Variants in ZNF273 observed in about 807,000 individuals in gnomAD.
ZNF273 encodes zinc finger protein 9.
Under a neutral mutation model 14.9 loss-of-function variants are expected in ZNF273, and 11 were observed. That is an observed-to-expected ratio of 0.74 (90% confidence interval 0.46 to 1.22). The LOEUF (loss-of-function observed/expected upper bound fraction) is 1.22, where lower values mean the gene tolerates loss of function less well. ZNF273 is among the 50% of genes most tolerant of loss of function. The pLI is 0.00. For synonymous variants in ZNF273, 199 were observed against 223.9 expected, an observed-to-expected ratio of 0.89 and a Z score of 0.99; for missense variants, 577 against 660.6, an observed-to-expected ratio of 0.87 and a Z score of 1.39.
chr7:64,892,914 C>A (rs871076), downstream of ZNF273, among the ~76,000 whole-genome samples: 63,335 of 151,958 alleles, frequency 0.42, 13,427 homozygotes, highest in South Asian at 0.45. Context: ...TCTTCCTGAG[C>A]TGCATCATAT....
chr7:64,925,102 G>A (rs1008745140), intron 3 of ZNF273, among the ~76,000 whole-genome samples: 12 of 151,838 alleles, frequency 7.9e-5, no homozygotes, highest in Admixed American at 7.2e-4. Context: ...GTGCCTGGCC[G>A]ATTTTTCAAT....
intron 3 of ZNF273, among the ~76,000 whole-genome samples, chr7:64,919,951 GC>G (rs1794307004): frequency 6.6e-6 from 1 of 150,954 alleles, no homozygotes; most frequent in South Asian, 2.1e-4. Context: ...TACTTCCAGT[GC>G]TATGTTAAAA....
Position 64,929,345 on chromosome 7 carries a change from G to A in ZNF273, c.*307G>A, listed in dbSNP as rs1794920908. 5.5e-6 allele frequency: 1 copy of A among 183,120 alleles called. No individual in the cohort carries two copies. The allele number at this position is 183,120 out of a possible 1,614,324, so 11.3% of individuals were successfully genotyped here. ...AAGAGAAACATTAAAAGTACAAAGA[G>A]GTTTGTAGTACCTTTGTTTGTATCA... On this transcript the variant is annotated 3_prime_UTR_variant, in exon 4 of 4. Transcript: ENST00000476120.
chr7:64,916,388 A>T (rs930341882), intron 1 of ZNF273, among the ~76,000 whole-genome samples: 7 of 150,846 alleles, frequency 4.6e-5, no homozygotes, highest in African/African-American at 1.7e-4. Context: ...AAAAAAAAAA[A>T]ATTAGCTGGG....
In ZNF273 at chr7:64,929,343, G is replaced by A. The variant is rs1172736737; in HGVS notation, c.*305G>A. ...TGAAGAGAAACATTAAAAGTACAAA[G>A]AGGTTTGTAGTACCTTTGTTTGTAT... On this transcript the variant is annotated 3_prime_UTR_variant, in exon 4 of 4. Coordinates refer to ENST00000476120, the MANE Select transcript of ZNF273 (RefSeq NM_021148.3). 5.4e-6 allele frequency: 1 copy of A among 185,450 alleles called. No individual in the cohort carries two copies. Among genetic ancestry groups the A allele is most frequent in the African/African-American group, 2.3e-5 (1 of 42,650 alleles). 11.5% of individuals were successfully genotyped at this position (185,450 alleles called of 1,614,324 possible).
chr7:64,924,358 C>T (rs1794667659), intron 3 of ZNF273: 1 of 152,070 alleles, frequency 6.6e-6, no homozygotes, highest in Non-Finnish European at 1.5e-5. Context: ...CCTTCAGGTC[C>T]TCTGTTCTCT....
At chr7:64,921,318 T>G (rs7798465) in intron 3 of ZNF273, among the ~76,000 whole-genome samples, 68,416 of 152,012 alleles carry the variant, frequency 0.45, 15,702 homozygotes, top group Admixed American at 0.51. Context: ...CACCTCAGCC[T>G]CACAAAGTGC....
chr7:64,897,802 C>A (rs995663278), exon 4 of ZNF273: 46 of 150,416 alleles, frequency 3.1e-4, no homozygotes, highest in African/African-American at 1.1e-3. Context: ...CAAGCTCTGC[C>A]TCCTGGGTTC....
downstream of ZNF273, chr7:64,889,344 A>G (rs1791815938): frequency 1.0e-6 from 1 of 956,708 alleles, no homozygotes; most frequent in Non-Finnish European, 1.2e-6. The surrounding 1 kb of genome is among the most constrained non-coding windows in gnomAD (Gnocchi z 4.2). Flanking sequence ...CTCCGCCCCA[A>G]CAGCTGGTGC....
At chr7:64,883,473 A>G (rs1001203135), downstream of ZNF273, among the ~76,000 whole-genome samples, 1 of 152,084 alleles carries the variant, frequency 6.6e-6, no homozygotes, top group African/African-American at 2.4e-5. Flanking sequence ...TAGGTCAGAT[A>G]GGGGTAAGGA....
At chr7:64,905,348 T>C (rs1310209767) in intron 1 of ZNF273, among the ~76,000 whole-genome samples, 2 of 151,212 alleles carry the variant, frequency 1.3e-5, no homozygotes, top group African/African-American at 4.9e-5. Flanking sequence ...ACTCCTGGCC[T>C]CAAGTGATCC....
At chr7:64,916,772 A>G (rs1004110935) in intron 1 of ZNF273, among the ~76,000 whole-genome samples, 3 of 152,114 alleles carry the variant, frequency 2.0e-5, no homozygotes, top group African/African-American at 7.2e-5. Flanking sequence ...TGGTATACCT[A>G]TGTAACAGAA....
chr7:64,892,408 G>C (rs1330359029), downstream of ZNF273, among the ~76,000 whole-genome samples: 1 of 152,044 alleles, frequency 6.6e-6, no homozygotes, highest in African/African-American at 2.4e-5. Context: ...TTTTTTTATT[G>C]TAAATAGAAG....
At chr7:64,933,175 G>A (rs985868053), downstream of ZNF273, 1 of 152,312 alleles carries the variant, frequency 6.6e-6, no homozygotes, top group Non-Finnish European at 1.5e-5. Context: ...GTTTTGCCAT[G>A]TTGGCCAGGC....
chr7:64,936,243 A>G, the ZNF273 span, among the ~76,000 whole-genome samples: 2 of 152,246 alleles, frequency 1.3e-5, no homozygotes, highest in Non-Finnish European at 2.9e-5. Flanking sequence ...TAGAAAACTG[A>G]TGGGGGAACA....
At position 64,912,831 on chromosome 7, in the gene ZNF273, T is replaced by TTGTTGTTGTTGTTG. The variant is rs1283651560; in HGVS notation, c.103-4749_103-4748insGTTGTTGTTGTTGT. 5.8e-5 allele frequency among the ~76,000 whole-genome samples: 5 copies of TTGTTGTTGTTGTTG among 86,680 alleles called. 1 individual carries two copies. The South Asian group carries it at 2.2e-3, about 37-fold the overall frequency. 56.9% of individuals were successfully genotyped at this position (86,680 alleles called of 152,430 possible). ...TTGACTCAGGATTCATTTTAGTTTTTTTTTTTTTTTTTTTTGAGATTGAGT... is the reference window on the plus strand; with the variant it reads ...TTGACTCAGGATTCATTTTAGTTTTTTGTTGTTGTTGTTGTTTTTTTTTTTTTTTGAGATTGAGT... On this transcript the variant is annotated intron_variant, in intron 1 of 3. Transcript: ENST00000476120.
rs1830080 is a variant in ZNF273, at chr7:64,928,689, G to A, written c.1361G>A (p.Gly454Glu). 70,451 of 1,606,206 alleles carry A rather than the reference G, an allele frequency of 0.044. 1,829 individuals are homozygous for A. The highest frequency in any genetic ancestry group is 0.097 in the East Asian group (4,347 of 44,712). The change falls in exon 4 of 4, where the codon GGA (glycine) becomes GAA (glutamate). Residue 454 changes from glycine (G) to glutamate (E), a missense_variant. By Grantham distance (98) the Gly-to-Glu change is moderately conservative. This residue lies in a region of ZNF273 where 411 missense variants were observed against 440.4 expected (regional missense o/e 0.93). Transcript: ENST00000476120. Reference sequence around the variant, plus strand: ...ACTAAACATAAGATAATTCATACTGGAGCAAAACCTTACAAATGTGAAGAA... The same window carrying A: ...ACTAAACATAAGATAATTCATACTGAAGCAAAACCTTACAAATGTGAAGAA... ...TLTKHKIIHT[G>E]AKPYKCEECG...
the ZNF273 span, among the ~76,000 whole-genome samples, chr7:64,937,013 A>G: frequency 2.0e-4 from 30 of 152,370 alleles, no homozygotes; most frequent in African/African-American, 7.0e-4. Flanking sequence ...TTTATTCACA[A>G]TATTCTTATT....
intron 1 of ZNF273, among the ~76,000 whole-genome samples, chr7:64,909,229 C>CTT (rs35538141): frequency 4.1e-4 from 60 of 145,382 alleles, no homozygotes; most frequent in African/African-American, 4.8e-4. Context: ...ATGTTTTCTT[C>CTT]TTTTTTTTTT....
Sources: gnomAD v4.1 joint callset for allele counts (sites outside exome capture counted in the v4.1 genomes callset) on GRCh38, gnomAD v4.1.1 for gene constraint, gnomAD v4.1.1 regional missense constraint, Gnocchi (gnomAD v3.1) non-coding constraint, MANE v1.5 for transcripts, NCBI Gene and HGNC (gene_info 2026-07-23, HGNC 2026-07-21) for gene names.